Variants in GTPBP1 observed in about 807,000 individuals in gnomAD.
GTPBP1 encodes GTP-binding protein 1.
GTPBP1 carries 23 observed loss-of-function variants against 62.0 expected under a neutral mutation model. That is an observed-to-expected ratio of 0.37 (90% CI 0.27 to 0.53). GTPBP1 has a LOEUF of 0.53. Among genes scored for constraint, GTPBP1 ranks in the 20% least tolerant of loss-of-function variants. The pLI, the probability that GTPBP1 is intolerant of heterozygous loss-of-function variation, is 0.89. For missense variants in GTPBP1, 640 were observed against 917.3 expected (o/e 0.70, Z 3.90); for synonymous variants, 344 against 364.4 (o/e 0.94, Z 0.64).
At position 38,728,175 on chromosome 22, in the gene GTPBP1, A is replaced by C; in HGVS notation, c.1716+14A>C. 2 of 1,601,190 alleles carry C rather than the reference A, an allele frequency of 1.2e-6. No individual in the cohort carries two copies. The highest frequency in any genetic ancestry group is 1.7e-6 in the Non-Finnish European group (2 of 1,170,736). ...ACCATCACCAAGGTATGGCCAGGAC[A>C]GACCTTGCCTGCCTCCAGGAAGCAC... On this transcript the variant is annotated intron_variant, in intron 10 of 11. Transcript: ENST00000216044.
downstream of GTPBP1, chr22:38,742,275 CCACCCTGAGGTATT>C (rs1432363592): frequency 1.3e-5 from 21 of 1,567,548 alleles, no homozygotes; most frequent in African/African-American, 2.4e-4. Context: ...CACCCACCTC[CCACCCTGAGGTATT>C]CCACCTCCTA....
downstream of GTPBP1, chr22:38,736,238 T>C: frequency 1.3e-6 from 2 of 1,598,740 alleles, no homozygotes; most frequent in Non-Finnish European, 1.7e-6. Flanking sequence ...CACTCCCAGA[T>C]GGCTGGCAGC....
intron 2 of GTPBP1, among the ~76,000 whole-genome samples, chr22:38,711,584 A>G (rs1047639538): frequency 2.0e-5 from 3 of 152,142 alleles, no homozygotes; most frequent in Admixed American, 1.3e-4. Flanking sequence ...ACTCATGCCT[A>G]TAATCCCAGC....
At chr22:38,735,513 G>A (rs889593678), downstream of GTPBP1, 2 of 279,744 alleles carry the variant, frequency 7.1e-6, no homozygotes, top group Non-Finnish European at 1.4e-5. Flanking sequence ...CAGGAACAGG[G>A]AGCAGGGTGG....
downstream of GTPBP1, chr22:38,738,521 C>T: frequency 1.3e-6 from 2 of 1,568,862 alleles, no homozygotes; most frequent in Non-Finnish European, 1.7e-6. This position sits in a 1 kb window ranked among gnomAD's most constrained non-coding sequence, Gnocchi z 6.6. Context: ...TGACTTGATC[C>T]TCAGTAGAGA....
rs753953156 is a variant in GTPBP1, at chr22:38,727,224, G to A, written c.1413G>A (p.Ser471=). 5.7e-6 allele frequency: 9 copies of A among 1,583,652 alleles called. No individual in the cohort carries two copies. Among genetic ancestry groups the A allele is most frequent in the East Asian group, 2.4e-5 (1 of 41,594 alleles). Residue 471 remains serine (S), a synonymous_variant, in exon 9 of 12, where the codon TCG becomes TCA. Coordinates refer to ENST00000216044, the MANE Select transcript of GTPBP1 (RefSeq NM_004286.5). The surrounding 1 kb of genome is among the most constrained non-coding windows in gnomAD (Gnocchi z 6.5). ...ASFALKKIKR[S]SIRKGMVMVS... ...CCTCTTTCTTTCAGATCAAGCGCTC[G>A]TCCATCCGGAAGGGCATGGTGATGG...
downstream of GTPBP1, chr22:38,740,509 C>A: frequency 2.2e-6 from 3 of 1,383,638 alleles, no homozygotes; most frequent in Non-Finnish European, 2.8e-6. The surrounding 1 kb of genome is among the most constrained non-coding windows in gnomAD (Gnocchi z 4.8). Context: ...GAAAGAGGAC[C>A]CCCTAGTGGG....
chr22:38,730,699 T>A lies in GTPBP1; in HGVS notation c.2005T>A (p.Cys669Ser). The change falls in exon 12 of 12, where the codon TGC becomes AGC. Residue 669 changes from cysteine (C) to serine (S), a missense_variant. Physicochemically the swap from Cys to Ser is moderately radical, Grantham distance 112. This residue lies in a region of GTPBP1 where 117 missense variants were observed against 107.1 expected (regional missense o/e 1.09). Coordinates refer to ENST00000216044, the MANE Select transcript of GTPBP1 (RefSeq NM_004286.5). The surrounding 1 kb of genome is among the most constrained non-coding windows in gnomAD (Gnocchi z 5.6). The part of the protein sequence containing the change: ...QGACVTPASG[C>S] ...GGCCTGTGTGACTCCTGCCAGCGGC[T>A]GCTGAACCTTCCCCTGGCCCACCCT... is the stretch of plus-strand genomic sequence containing the variant. 1 of 1,576,666 alleles carries A rather than the reference T, an allele frequency of 6.3e-7. No individual in the cohort carries two copies. The highest frequency in any genetic ancestry group is 8.6e-7 in the Non-Finnish European group (1 of 1,158,982).
downstream of GTPBP1, chr22:38,735,611 G>A (rs1429006405): frequency 5.4e-6 from 1 of 185,470 alleles, no homozygotes; most frequent in Admixed American, 5.5e-5. Context: ...CCCCTTAGAA[G>A]ATCACAGCAG....
intron 1 of GTPBP1, 60 bp downstream of exon 1, chr22:38,706,207 C>G (rs2145832135): frequency 9.1e-7 from 1 of 1,100,918 alleles, no homozygotes; most frequent in Admixed American, 4.3e-5. Context: ...GAGCAGTCTC[C>G]CGGGCGACGG....
chr22:38,714,308 G>A (rs1180688615), intron 2 of GTPBP1, among the ~76,000 whole-genome samples: 5 of 151,964 alleles, frequency 3.3e-5, no homozygotes, highest in Admixed American at 6.6e-5. Flanking sequence ...GTGAAACCCC[G>A]TCTCTACTGA....
downstream of GTPBP1, chr22:38,734,015 G>T: frequency 4.0e-6 from 1 of 248,788 alleles, no homozygotes; most frequent in Non-Finnish European, 8.1e-6. Context: ...GTGAGCACAG[G>T]ACCAGCTGTC....
chr22:38,729,643 C>T lies in GTPBP1; in HGVS notation c.1898C>T (p.Ser633Phe). The T allele has an allele frequency of 6.7e-7, 1 of 1,503,166 alleles. No homozygotes were observed. Among genetic ancestry groups the T allele is most frequent in the Non-Finnish European group, 8.9e-7 (1 of 1,127,080 alleles). 93.1% of individuals were successfully genotyped at this position (1,503,166 alleles called of 1,614,324 possible). ...SSVGAGQPAASSNLQPQPKPS... is the reference protein window; with the variant it reads ...SSVGAGQPAAFSNLQPQPKPS... ...GTAGGGGCAGGGCAACCAGCTGCGTCCAGCAATCTCCAGCCTCAGGTGAGC... is the reference window on the plus strand; with the variant it reads ...GTAGGGGCAGGGCAACCAGCTGCGTTCAGCAATCTCCAGCCTCAGGTGAGC... The change falls in exon 11 of 12, where the codon TCC becomes TTC. Residue 633 changes from serine to phenylalanine, a missense_variant. By Grantham distance (155) the Ser-to-Phe change is radical. Coordinates refer to ENST00000216044, the MANE Select transcript of GTPBP1 (RefSeq NM_004286.5).
In GTPBP1 at chr22:38,727,144, C is replaced by T; in HGVS notation, c.1402-69C>T. ...CCCTATCCCTAGAAAGACTCTTGGT[C>T]CCTGGGACCAGGGGTGAAACCAGAA... On this transcript the variant is annotated intron_variant, in intron 8 of 11. Transcript: ENST00000216044. The surrounding 1 kb of genome is among the most constrained non-coding windows in gnomAD (Gnocchi z 6.5). 7.0e-7 allele frequency: 1 copy of T among 1,425,546 alleles called. No homozygotes were observed. Among genetic ancestry groups the T allele is most frequent in the Non-Finnish European group, 9.4e-7 (1 of 1,065,462 alleles). 88.3% of individuals were successfully genotyped at this position (1,425,546 alleles called of 1,614,324 possible). A position where few individuals can be genotyped will look rare whatever the true frequency, so the allele number is the denominator to read the frequency against.
At chr22:38,724,223 A>G in intron 5 of GTPBP1, 74 bp from the exon 6 acceptor site, 2 of 823,752 alleles carry the variant, frequency 2.4e-6, no homozygotes, top group Non-Finnish European at 4.3e-6. Context: ...TAATGAGTGG[A>G]CCCATCTTGC....
In GTPBP1 at chr22:38,726,316, C is replaced by T. The variant is rs754814393; in HGVS notation, c.1277C>T (p.Thr426Met). 1.3e-5 allele frequency: 21 copies of T among 1,613,950 alleles called. No homozygotes were observed. The Admixed American group carries it at 1.3e-4, about 10-fold the overall frequency. The change falls in exon 8 of 12, where the codon ACG becomes ATG. Residue 426 changes from threonine to methionine, a missense_variant. Around this residue, in one of 4 missense-constraint regions of GTPBP1, gnomAD observed 220 missense variants for 358.1 expected, o/e 0.61. Transcript: ENST00000216044. The surrounding 1 kb of genome is among the most constrained non-coding windows in gnomAD (Gnocchi z 4.1). ...AGAGGCCTGATCAAGCTGAATGACA[C>T]GCTGCTGCTGGGCCCAGACCCCTTG... is the stretch of plus-strand genomic sequence containing the variant. The part of the protein sequence containing the change: ...TLRGLIKLND[T>M]LLLGPDPLGN...
downstream of GTPBP1, chr22:38,738,681 C>G: frequency 6.2e-7 from 1 of 1,613,824 alleles, no homozygotes; most frequent in East Asian, 2.2e-5. This position sits in a 1 kb window ranked among gnomAD's most constrained non-coding sequence, Gnocchi z 6.6. Flanking sequence ...GGGGCGGATG[C>G]GGGCAGAGAG....
At position 38,716,192 on chromosome 22, in the gene GTPBP1, GGGGAAAGA is replaced by G; in HGVS notation, c.485+107_485+114del. 1 of 929,396 alleles carries G rather than the reference GGGGAAAGA, an allele frequency of 1.1e-6. No individual in the cohort carries two copies. Among genetic ancestry groups the G allele is most frequent in the South Asian group, 1.5e-5 (1 of 68,086 alleles). 57.6% of individuals were successfully genotyped at this position (929,396 alleles called of 1,614,324 possible). On this transcript the variant is annotated intron_variant, in intron 3 of 11. Transcript: ENST00000216044. The surrounding 1 kb of genome is among the most constrained non-coding windows in gnomAD (Gnocchi z 5.2). ...GCTCCATCCTTTCCCCTCCTGAGGCGGGGAAAGAGTGTCCAGGTGTCTGGAGACGTGGG... is the reference window on the plus strand; with the variant it reads ...GCTCCATCCTTTCCCCTCCTGAGGCGGTGTCCAGGTGTCTGGAGACGTGGG...
At chr22:38,723,158 C>T in intron 5 of GTPBP1, 1 of 826,656 alleles carries the variant, frequency 1.2e-6, no homozygotes, top group Non-Finnish European at 2.1e-6. Flanking sequence ...AGCTTTGTCA[C>T]TAAAAGCAAC....
Sources: allele counts gnomAD v4.1 joint callset (sites outside exome capture counted in the v4.1 genomes callset), GRCh38; gene constraint gnomAD v4.1.1; regional missense constraint gnomAD v4.1.1; non-coding constraint Gnocchi (gnomAD v3.1); transcripts MANE v1.5; gene names NCBI Gene and HGNC (gene_info 2026-07-23, HGNC 2026-07-21).